Variants in VTI1A observed in about 807,000 individuals in gnomAD.
VTI1A encodes vesicle transport through interaction with t-SNAREs homolog 1A.
VTI1A carries 22 observed loss-of-function variants against 34.9 expected under a neutral mutation model. The observed-to-expected ratio is 0.63, with a 90% CI of 0.45 to 0.90. The LOEUF is 0.90. Ranked by LOEUF, VTI1A falls within the 40% of genes least tolerant of loss-of-function variation. The pLI, the probability that VTI1A is intolerant of heterozygous loss-of-function variation, is 0.00. For missense variants in VTI1A, 268 were observed against 275.6 expected (o/e 0.97, Z 0.20); for synonymous variants, 87 against 97.3 (o/e 0.89, Z 0.62).
At chr10:112,587,746 A>C (rs1320459798) in intron 5 of VTI1A, among the ~76,000 whole-genome samples, 1 of 152,186 alleles carries the variant, frequency 6.6e-6, no homozygotes, top group African/African-American at 2.4e-5. Context: ...AAAATAGATT[A>C]CAAAAAATTA....
chr10:112,654,263 G>A (rs539037182), intron 5 of VTI1A, among the ~76,000 whole-genome samples: 11 of 152,190 alleles, frequency 7.2e-5, no homozygotes, highest in African/African-American at 2.4e-4. Context: ...CATCTAATAA[G>A]CAAGATTATC....
chr10:112,603,667 T>G (rs1844963809), intron 5 of VTI1A, among the ~76,000 whole-genome samples: 1 of 152,090 alleles, frequency 6.6e-6, no homozygotes, highest in Middle Eastern at 3.2e-3. Flanking sequence ...TATGGTATGC[T>G]CACAGATTTC....
intron 7 of VTI1A, among the ~76,000 whole-genome samples, chr10:112,790,764 G>T (rs1264942533): frequency 4.9e-5 from 7 of 142,364 alleles, no homozygotes; most frequent in South Asian, 2.3e-4. Flanking sequence ...ACTAAAAGAC[G>T]TTTTTTTTTT....
At chr10:112,457,100 C>T (rs546137172) in intron 1 of VTI1A, among the ~76,000 whole-genome samples, 33 of 152,130 alleles carry the variant, frequency 2.2e-4, no homozygotes, top group Non-Finnish European at 4.1e-4. Context: ...TAGCAATGAA[C>T]AGTCTGTCTG....
chr10:112,572,002 C>T (rs116040532), intron 5 of VTI1A, among the ~76,000 whole-genome samples: 28 of 152,258 alleles, frequency 1.8e-4, no homozygotes, highest in African/African-American at 6.3e-4. Flanking sequence ...AGAGGAGGGG[C>T]ACAAAGGCTG....
At chr10:112,509,051 T>G (rs1479200513) in intron 3 of VTI1A, among the ~76,000 whole-genome samples, 1 of 152,166 alleles carries the variant, frequency 6.6e-6, no homozygotes, top group Non-Finnish European at 1.5e-5. Flanking sequence ...GTGACTGTGT[T>G]GGACATGAGT....
intron 5 of VTI1A, among the ~76,000 whole-genome samples, chr10:112,665,547 G>A (rs2133829702): frequency 6.6e-6 from 1 of 152,264 alleles, no homozygotes; most frequent in South Asian, 2.1e-4. Context: ...TACTTGGGAT[G>A]CTGAGCTATG....
chr10:112,597,693 C>CTTTTTTTTT (rs1180451909), intron 5 of VTI1A, among the ~76,000 whole-genome samples: 39 of 90,626 alleles, frequency 4.3e-4, no homozygotes, highest in African/African-American at 1.4e-3. Flanking sequence ...GACCTTGTCT[C>CTTTTTTTTT]TTTTTTTTTT....
At chr10:112,599,207 A>C (rs548053836) in intron 5 of VTI1A, among the ~76,000 whole-genome samples, 2 of 152,214 alleles carry the variant, frequency 1.3e-5, no homozygotes, top group South Asian at 4.1e-4. Context: ...CAGCTTGCAG[A>C]GTAGGATTGG....
chr10:112,553,041 C>G (rs554209599), intron 5 of VTI1A, among the ~76,000 whole-genome samples: 1 of 152,204 alleles, frequency 6.6e-6, no homozygotes, highest in East Asian at 1.9e-4. Context: ...ATGAACTAAT[C>G]GTCTCACATC....
intron 3 of VTI1A, among the ~76,000 whole-genome samples, chr10:112,503,248 C>A (rs1204451311): frequency 6.6e-6 from 1 of 152,068 alleles, no homozygotes; most frequent in Non-Finnish European, 1.5e-5. Flanking sequence ...CATTAATTAA[C>A]CCCTCTTCAT....
At chr10:112,612,316 A>G (rs1845348656) in intron 5 of VTI1A, among the ~76,000 whole-genome samples, 1 of 152,166 alleles carries the variant, frequency 6.6e-6, no homozygotes, top group African/African-American at 2.4e-5. Flanking sequence ...TCTAAATTAA[A>G]TTTTGGTCGT....
At chr10:112,587,090 A>G (rs967198824) in intron 5 of VTI1A, among the ~76,000 whole-genome samples, 3 of 152,130 alleles carry the variant, frequency 2.0e-5, no homozygotes, top group African/African-American at 4.8e-5. Context: ...CCCTGACACT[A>G]TGTATGGAAT....
At chr10:112,611,248 G>C (rs982513001) in intron 5 of VTI1A, among the ~76,000 whole-genome samples, 23 of 152,150 alleles carry the variant, frequency 1.5e-4, no homozygotes, top group Admixed American at 1.5e-3. Context: ...TTGTCTCATT[G>C]GACCTAGGTA....
At chr10:112,518,881 A>T (rs897106884) in intron 3 of VTI1A, among the ~76,000 whole-genome samples, 1 of 151,886 alleles carries the variant, frequency 6.6e-6, no homozygotes, top group African/African-American at 2.4e-5. Flanking sequence ...TATGTTATTT[A>T]TGAATGAGGT....
chr10:112,483,637 C>T (rs925711475), intron 3 of VTI1A, among the ~76,000 whole-genome samples: 1 of 152,092 alleles, frequency 6.6e-6, no homozygotes, highest in Non-Finnish European at 1.5e-5. Flanking sequence ...GGCCTCTACC[C>T]ACTAAATGCT....
intron 5 of VTI1A, among the ~76,000 whole-genome samples, chr10:112,549,933 T>C (rs112182998): frequency 3.7e-4 from 56 of 152,356 alleles, no homozygotes; most frequent in Middle Eastern, 3.4e-3. Flanking sequence ...TTTCAAGTTG[T>C]GCTTATATAT....
the VTI1A span, among the ~76,000 whole-genome samples, chr10:112,832,649 T>C: frequency 6.6e-6 from 1 of 152,218 alleles, no homozygotes; most frequent in Non-Finnish European, 1.5e-5. Flanking sequence ...ACTGTCCTCT[T>C]CCCTTACCTG....
intron 7 of VTI1A, among the ~76,000 whole-genome samples, chr10:112,682,238 A>G (rs1451851012): frequency 6.6e-6 from 1 of 152,164 alleles, no homozygotes; most frequent in African/African-American, 2.4e-5. Flanking sequence ...ATAGGGCTTT[A>G]TGTAAGCTTT....
Sources: gnomAD v4.1 joint callset for allele counts (sites outside exome capture counted in the v4.1 genomes callset) on GRCh38, gnomAD v4.1.1 for gene constraint, MANE v1.5 for transcripts, NCBI Gene and HGNC (gene_info 2026-07-23, HGNC 2026-07-21) for gene names.